Variants in DCAF8L2 observed in about 807,000 individuals in gnomAD.
The protein encoded by DCAF8L2 is DDB1 and CUL4 associated factor 8 like 2.
For missense variants in DCAF8L2, 430 were observed against 490.7 expected (o/e 0.88, Z 1.17); for synonymous variants, 200 against 190.9 (o/e 1.05, Z -0.39).
intron 1 of DCAF8L2, among the ~76,000 whole-genome samples, chrX:27,616,874 G>A (rs903691111): frequency 1.6e-4 from 18 of 111,430 alleles, no homozygotes; most frequent in African/African-American, 5.2e-4. Flanking sequence ...AAGATTAGCC[G>A]TATCAAAACC....
the DCAF8L2 span, among the ~76,000 whole-genome samples, chrX:27,514,798 A>G: frequency 9.1e-6 from 1 of 110,368 alleles, no homozygotes; most frequent in Non-Finnish European, 1.9e-5. Context: ...AAAGACAAAT[A>G]CCACATGATC....
At chrX:27,620,228 GT>G (rs1338375069) in intron 1 of DCAF8L2, among the ~76,000 whole-genome samples, 1 of 111,544 alleles carries the variant, frequency 9.0e-6, no homozygotes, top group Non-Finnish European at 1.9e-5. Context: ...GTACAATAGT[GT>G]AATTATGTTG....
chrX:27,488,814 TC>T, the DCAF8L2 span, among the ~76,000 whole-genome samples: 2 of 109,368 alleles, frequency 1.8e-5, no homozygotes, highest in Admixed American at 2.0e-4. Context: ...CGCCACCATG[TC>T]CCACTAATTT....
chrX:27,559,971 A>G, the DCAF8L2 span, among the ~76,000 whole-genome samples: 1 of 6,068 alleles, frequency 1.6e-4, no homozygotes, highest in Non-Finnish European at 3.0e-4. Flanking sequence ...TTCCACGTTA[A>G]AAAAAAAAAA....
chrX:27,623,562 TA>T (rs1927880985), intron 1 of DCAF8L2, among the ~76,000 whole-genome samples: 1 of 110,196 alleles, frequency 9.1e-6, no homozygotes, highest in Non-Finnish European at 1.9e-5. Context: ...ATGAAAAGGG[TA>T]AAAAAAATTT....
chrX:27,512,342 A>T, the DCAF8L2 span, among the ~76,000 whole-genome samples: 4 of 110,926 alleles, frequency 3.6e-5, no homozygotes, highest in Admixed American at 3.9e-4. Flanking sequence ...GGAAGAATTA[A>T]TATTATTAAC....
At chrX:27,490,001 T>C in the DCAF8L2 span, among the ~76,000 whole-genome samples, 1 of 111,423 alleles carries the variant, frequency 9.0e-6, no homozygotes, top group South Asian at 3.8e-4. Context: ...CTCAGCCTCC[T>C]GAGTAGCTAG....
At chrX:27,706,346 G>A (rs1432551942) in intron 3 of DCAF8L2, among the ~76,000 whole-genome samples, 3 of 107,829 alleles carry the variant, frequency 2.8e-5, no homozygotes, top group African/African-American at 1.0e-4. Flanking sequence ...TTCTAATTTT[G>A]TGAAGAATTT....
chrX:27,554,128 A>G, the DCAF8L2 span, among the ~76,000 whole-genome samples: 2 of 112,145 alleles, frequency 1.8e-5, no homozygotes, highest in Non-Finnish European at 3.8e-5. Flanking sequence ...AACCATATGT[A>G]GCTCTCAGAT....
chrX:27,594,389 G>C (rs183255166), intron 1 of DCAF8L2, among the ~76,000 whole-genome samples: 213 of 110,908 alleles, frequency 1.9e-3, no homozygotes, highest in Middle Eastern at 5.4e-3. Flanking sequence ...TCATTTTGTA[G>C]CTTATTTTTA....
the DCAF8L2 span, among the ~76,000 whole-genome samples, chrX:27,532,725 C>CATAT: frequency 1.2e-5 from 1 of 84,000 alleles, no homozygotes; most frequent in Non-Finnish European, 2.3e-5. Flanking sequence ...TAGTGAGACC[C>CATAT]ATATTTATTT....
the DCAF8L2 span, among the ~76,000 whole-genome samples, chrX:27,532,072 T>C: frequency 9.0e-6 from 1 of 110,555 alleles, no homozygotes; most frequent in Admixed American, 9.7e-5. Flanking sequence ...GATATATATA[T>C]ATATATATTT....
At chrX:27,593,767 G>C (rs1233272700) in intron 1 of DCAF8L2, among the ~76,000 whole-genome samples, 1 of 112,318 alleles carries the variant, frequency 8.9e-6, no homozygotes, top group Non-Finnish European at 1.9e-5. Flanking sequence ...AGAATGGAGA[G>C]AGCGGCATGT....
chrX:27,640,465 C>A (rs1329343401), intron 2 of DCAF8L2, among the ~76,000 whole-genome samples: 2 of 112,104 alleles, frequency 1.8e-5, no homozygotes, highest in Non-Finnish European at 1.9e-5. Flanking sequence ...CAGCATTTCA[C>A]TGTATGGATA....
At position 27,649,373 on chromosome X, in the gene DCAF8L2, A is replaced by G. The variant is rs148184307; in HGVS notation, c.-220+17373A>G. On this transcript the variant is annotated intron_variant, in intron 2 of 4. Transcript: ENST00000451261. ...TGGTAGTTCTGTTTTAAGTTCTTTG[A>G]GAAATCTCCAAACTACTTTCCACAG... is the stretch of plus-strand genomic sequence containing the variant. Among the ~76,000 whole-genome samples, 1,090 of 112,385 alleles carry G rather than the reference A, an allele frequency of 9.7e-3. 16 individuals carry two copies. The highest frequency in any genetic ancestry group is 0.033 in the African/African-American group (1,023 of 30,970).
the DCAF8L2 span, among the ~76,000 whole-genome samples, chrX:27,471,726 T>C: frequency 9.0e-6 from 1 of 111,448 alleles, no homozygotes; most frequent in Non-Finnish European, 1.9e-5. Flanking sequence ...GTTACTTTTA[T>C]TGTCTTATTC....
chrX:27,514,342 C>G, the DCAF8L2 span, among the ~76,000 whole-genome samples: 1 of 109,478 alleles, frequency 9.1e-6, no homozygotes, highest in Non-Finnish European at 1.9e-5. Flanking sequence ...TTGTCATACA[C>G]ACACACACAA....
At chrX:27,622,489 T>C (rs888423867) in intron 1 of DCAF8L2, among the ~76,000 whole-genome samples, 1 of 111,017 alleles carries the variant, frequency 9.0e-6, no homozygotes, top group Non-Finnish European at 1.9e-5. Context: ...ACATGTAATA[T>C]CTCAAATTGG....
In DCAF8L2 at chrX:27,606,307, A is replaced by ATATATATGAAT. The variant is rs1926880612; in HGVS notation, c.-342+15874_-342+15875insGAATTATATAT. On this transcript the variant is annotated intron_variant, in intron 1 of 4. Coordinates refer to ENST00000451261, the MANE Select transcript of DCAF8L2 (RefSeq NM_001353450.2). The stretch of plus-strand genomic sequence containing the variant: ...TATAGGAATTATATATATATGAATT[A>ATATATATGAAT]TATATATATAGGAATTATATATATA... Among the ~76,000 whole-genome samples, 4 of 73,450 alleles carry ATATATATGAAT rather than the reference A, an allele frequency of 5.4e-5. No homozygotes were observed. In the East Asian group the frequency reaches 1.3e-3, roughly 24 times the overall value. 63.8% of individuals were successfully genotyped at this position (73,450 alleles called of 115,157 possible).
Sources: allele counts gnomAD v4.1 joint callset (sites outside exome capture counted in the v4.1 genomes callset), GRCh38; gene constraint gnomAD v4.1.1; transcripts MANE v1.5; gene names NCBI Gene and HGNC (gene_info 2026-07-23, HGNC 2026-07-21).